Variants in IGFBP7 observed in about 807,000 individuals in gnomAD.
The protein encoded by IGFBP7 is insulin-like growth factor-binding protein 7.
IGFBP7 carries 31 observed loss-of-function variants against 29.4 expected under a neutral mutation model. The ratio of observed to expected loss-of-function variants is 1.05; its 90% CI spans 0.79 to 1.42. The LOEUF is 1.42. Ranked by LOEUF, IGFBP7 falls within the 40% of genes most tolerant of loss-of-function variation. IGFBP7 has a pLI of 0.00. For synonymous variants in IGFBP7, 172 were observed against 174.9 expected, an observed-to-expected ratio of 0.98 and a Z score of 0.13; for missense variants, 393 against 395.5, an observed-to-expected ratio of 0.99 and a Z score of 0.05.
At chr4:57,082,791 T>G (rs1484216419) in intron 1 of IGFBP7, among the ~76,000 whole-genome samples, 1 of 152,206 alleles carries the variant, frequency 6.6e-6, no homozygotes, top group African/African-American at 2.4e-5. Flanking sequence ...CCTATTAACA[T>G]GCAAGCTGCT....
chr4:57,061,644 C>T (rs960752930), intron 1 of IGFBP7, among the ~76,000 whole-genome samples: 1 of 152,122 alleles, frequency 6.6e-6, no homozygotes, highest in African/African-American at 2.4e-5. Flanking sequence ...CATCACGCTA[C>T]TCAGGACTGT....
At chr4:57,034,277 A>G (rs1724027460) in intron 2 of IGFBP7, among the ~76,000 whole-genome samples, 2 of 152,136 alleles carry the variant, frequency 1.3e-5, no homozygotes, top group African/African-American at 4.8e-5. Flanking sequence ...ATTCACTTGT[A>G]GCTCCTCGAT....
chr4:57,055,481 G>A (rs1210253405), intron 1 of IGFBP7, among the ~76,000 whole-genome samples: 1 of 152,184 alleles, frequency 6.6e-6, no homozygotes, highest in African/African-American at 2.4e-5. Flanking sequence ...AATTATGTTC[G>A]TAGGTCTTTT....
At chr4:57,087,194 G>A (rs1725518748) in intron 1 of IGFBP7, among the ~76,000 whole-genome samples, 1 of 152,244 alleles carries the variant, frequency 6.6e-6, no homozygotes, top group Non-Finnish European at 1.5e-5. Context: ...ACACATTTAA[G>A]TGATAAATGA....
At chr4:57,063,434 A>T (rs1280744521) in intron 1 of IGFBP7, among the ~76,000 whole-genome samples, 1 of 152,222 alleles carries the variant, frequency 6.6e-6, no homozygotes, top group Non-Finnish European at 1.5e-5. Flanking sequence ...TTGAGCAGGT[A>T]ATCAGCAAAC....
intron 1 of IGFBP7, among the ~76,000 whole-genome samples, chr4:57,077,385 C>T (rs1363823366): frequency 2.0e-5 from 3 of 152,152 alleles, no homozygotes; most frequent in African/African-American, 4.8e-5. Flanking sequence ...TCAAGCGATT[C>T]TCCTGCCTCA....
intron 1 of IGFBP7, among the ~76,000 whole-genome samples, chr4:57,046,845 C>T: frequency 6.6e-6 from 1 of 152,226 alleles, no homozygotes; most frequent in South Asian, 2.1e-4. Flanking sequence ...CTACATTTTT[C>T]TATCCAGATG....
chr4:57,032,368 T>C, intron 4 of IGFBP7, 58 bp downstream of exon 4: 1 of 1,598,500 alleles, frequency 6.3e-7, no homozygotes, highest in East Asian at 2.2e-5. Context: ...CTTAGTTCTG[T>C]TCTTTTTAAA....
intron 1 of IGFBP7, among the ~76,000 whole-genome samples, chr4:57,057,638 C>A (rs1263381872): frequency 6.6e-6 from 1 of 152,140 alleles, no homozygotes; most frequent in Non-Finnish European, 1.5e-5. Flanking sequence ...CTGTTTATGC[C>A]TCCCTCATCC....
intron 1 of IGFBP7, among the ~76,000 whole-genome samples, chr4:57,106,400 G>A (rs1726032835): frequency 6.6e-6 from 1 of 152,142 alleles, no homozygotes; most frequent in Non-Finnish European, 1.5e-5. Flanking sequence ...CAATTGTGGT[G>A]AGTGTGGAGG....
At chr4:57,072,706 G>A (rs1189034344) in intron 1 of IGFBP7, 1 of 426,848 alleles carries the variant, frequency 2.3e-6, no homozygotes, top group Non-Finnish European at 4.6e-6. Context: ...TACAGCAGGA[G>A]TTGGTGACCT....
chr4:57,079,921 G>C (rs1725322814), intron 1 of IGFBP7, among the ~76,000 whole-genome samples: 1 of 152,120 alleles, frequency 6.6e-6, no homozygotes, highest in Non-Finnish European at 1.5e-5. Context: ...TAGTTAAGTG[G>C]CTATGCTTAT....
chr4:57,074,188 G>A (rs900708101), intron 1 of IGFBP7, among the ~76,000 whole-genome samples: 2 of 152,156 alleles, frequency 1.3e-5, no homozygotes, highest in Non-Finnish European at 2.9e-5. Context: ...AGCCTCCCGA[G>A]TAGCTGGGAT....
At chr4:57,079,734 A>G (rs929440053) in intron 1 of IGFBP7, among the ~76,000 whole-genome samples, 6 of 152,242 alleles carry the variant, frequency 3.9e-5, no homozygotes, top group Non-Finnish European at 8.8e-5. Context: ...TCTTCTGTCC[A>G]ACATCTAACA....
chr4:57,074,501 T>A (rs1173463732), intron 1 of IGFBP7, among the ~76,000 whole-genome samples: 1 of 152,234 alleles, frequency 6.6e-6, no homozygotes, highest in African/African-American at 2.4e-5. Flanking sequence ...GTGAAAGTAC[T>A]ATAGGCTTCA....
At chr4:57,054,631 C>G (rs967543661) in intron 1 of IGFBP7, among the ~76,000 whole-genome samples, 1 of 13,366 alleles carries the variant, frequency 7.5e-5, no homozygotes, top group Non-Finnish European at 1.8e-4. Flanking sequence ...GAGCGAGGCT[C>G]TCTCTCACAA....
chr4:57,109,291 T>C (rs1245539864), intron 1 of IGFBP7, among the ~76,000 whole-genome samples: 1 of 151,700 alleles, frequency 6.6e-6, no homozygotes, highest in Non-Finnish European at 1.5e-5. Flanking sequence ...AACCAAAAAT[T>C]GGCCAGGCGT....
At chr4:57,049,128 C>T (rs539964019) in intron 1 of IGFBP7, among the ~76,000 whole-genome samples, 2 of 152,230 alleles carry the variant, frequency 1.3e-5, no homozygotes, top group South Asian at 4.1e-4. Context: ...ACATGGTTCA[C>T]TTCCTCAGGG....
intron 1 of IGFBP7, among the ~76,000 whole-genome samples, chr4:57,096,848 A>G (rs1455775271): frequency 6.6e-6 from 1 of 152,218 alleles, no homozygotes; most frequent in Admixed American, 6.5e-5. Context: ...TTTGATTTTT[A>G]AATGATTTTT....
Sources: allele counts gnomAD v4.1 joint callset (sites outside exome capture counted in the v4.1 genomes callset), GRCh38; gene constraint gnomAD v4.1.1; transcripts MANE v1.5; gene names NCBI Gene and HGNC (gene_info 2026-07-23, HGNC 2026-07-21).